Variants in TOX observed in about 807,000 individuals in gnomAD.
TOX encodes the protein thymocyte selection associated high mobility group box.
A neutral mutation model predicts 53.7 loss-of-function variants in TOX; 11 were observed. That is an observed-to-expected ratio of 0.20 (90% confidence interval 0.13 to 0.34). The LOEUF (loss-of-function observed/expected upper bound fraction) is 0.34, where lower values mean the gene tolerates loss of function less well. Among genes scored for constraint, TOX ranks in the 10% least tolerant of loss-of-function variants. The pLI is 1.00. For synonymous variants in TOX, 225 were observed against 245.3 expected, an observed-to-expected ratio of 0.92 and a Z score of 0.77; for missense variants, 570 against 664.6, an observed-to-expected ratio of 0.86 and a Z score of 1.56.
At chr8:59,119,147 G>GA (rs1805166800), upstream of TOX, 2 of 398,504 alleles carry the variant, frequency 5.0e-6, no homozygotes, top group South Asian at 4.8e-5. Context: ...AAGAAGAAGA[G>GA]GAAAAAAAAA....
chr8:58,922,435 C>T (rs1216094901), intron 3 of TOX, among the ~76,000 whole-genome samples: 2 of 152,212 alleles, frequency 1.3e-5, no homozygotes, highest in African/African-American at 4.8e-5. Context: ...TATGGAATCC[C>T]TGCTATATTA....
At chr8:58,982,033 C>T (rs1025863714) in intron 1 of TOX, among the ~76,000 whole-genome samples, 3 of 151,994 alleles carry the variant, frequency 2.0e-5, no homozygotes, top group Non-Finnish European at 4.4e-5. Flanking sequence ...ACTGAAGTTA[C>T]TAATTTCTCT....
intron 3 of TOX, among the ~76,000 whole-genome samples, chr8:58,929,720 C>G (rs1271001909): frequency 6.6e-6 from 1 of 151,854 alleles, no homozygotes; most frequent in African/African-American, 2.4e-5. Flanking sequence ...AAGCAAAAAG[C>G]AAGTCAAAGA....
At chr8:59,029,720 G>A (rs879343622) in intron 1 of TOX, among the ~76,000 whole-genome samples, 16 of 152,146 alleles carry the variant, frequency 1.1e-4, no homozygotes, top group African/African-American at 3.9e-4. Context: ...TGGCTACAAG[G>A]ACCTCGATGG....
intron 6 of TOX, among the ~76,000 whole-genome samples, chr8:58,824,996 A>G (rs979752411): frequency 7.9e-5 from 12 of 152,182 alleles, no homozygotes; most frequent in African/African-American, 2.9e-4. Context: ...AATTTATAAC[A>G]TAGTAAAAAA....
intron 1 of TOX, among the ~76,000 whole-genome samples, chr8:59,049,535 T>C (rs1803752604): frequency 6.6e-6 from 1 of 152,210 alleles, no homozygotes; most frequent in African/African-American, 2.4e-5. Context: ...AACTGGATTT[T>C]TTTTCGAACA....
At chr8:59,050,216 T>A (rs1052756466) in intron 1 of TOX, among the ~76,000 whole-genome samples, 3 of 152,248 alleles carry the variant, frequency 2.0e-5, no homozygotes, top group African/African-American at 7.2e-5. Flanking sequence ...CCAGTCAGAA[T>A]TAACACCAGT....
intron 1 of TOX, among the ~76,000 whole-genome samples, chr8:59,023,558 C>A (rs1207770083): frequency 1.3e-5 from 2 of 152,096 alleles, no homozygotes; most frequent in Non-Finnish European, 2.9e-5. Flanking sequence ...AAATAAAGGA[C>A]CCTATTATTT....
At chr8:59,069,790 T>C (rs1036011719) in intron 1 of TOX, among the ~76,000 whole-genome samples, 1 of 152,158 alleles carries the variant, frequency 6.6e-6, no homozygotes, top group Non-Finnish European at 1.5e-5. Flanking sequence ...CTGGGATATG[T>C]TGTACAGTGA....
chr8:59,101,889 C>T (rs908880387), intron 1 of TOX, among the ~76,000 whole-genome samples: 3 of 152,184 alleles, frequency 2.0e-5, no homozygotes, highest in African/African-American at 4.8e-5. Context: ...TCTATGCATG[C>T]CACCCTGCCA....
intron 3 of TOX, among the ~76,000 whole-genome samples, chr8:58,860,135 G>C (rs1303695198): frequency 6.6e-6 from 1 of 152,090 alleles, no homozygotes; most frequent in African/African-American, 2.4e-5. Flanking sequence ...TAAAGGAGAG[G>C]GGGGCCGTGT....
chr8:59,008,634 C>T (rs1030697890), intron 1 of TOX, among the ~76,000 whole-genome samples: 8 of 152,198 alleles, frequency 5.3e-5, no homozygotes, highest in Non-Finnish European at 7.3e-5. Flanking sequence ...TCACATGAGA[C>T]GTAATGACCA....
At chr8:59,092,795 T>A (rs1480926334) in intron 1 of TOX, among the ~76,000 whole-genome samples, 1 of 152,188 alleles carries the variant, frequency 6.6e-6, no homozygotes, top group Admixed American at 6.5e-5. Flanking sequence ...CATCTTAGCA[T>A]CTTCCATGAT....
At chr8:58,824,271 G>A (rs977486862) in intron 6 of TOX, among the ~76,000 whole-genome samples, 1 of 152,152 alleles carries the variant, frequency 6.6e-6, no homozygotes, top group Admixed American at 6.5e-5. Flanking sequence ...GAGGATTAAG[G>A]GAACTTATGC....
chr8:58,965,718 T>C (rs1812882743), intron 1 of TOX, among the ~76,000 whole-genome samples: 1 of 152,098 alleles, frequency 6.6e-6, no homozygotes, highest in Non-Finnish European at 1.5e-5. Flanking sequence ...TGAAAGAATA[T>C]TTGATACTTT....
chr8:58,930,674 A>G (rs759224147), intron 3 of TOX, among the ~76,000 whole-genome samples: 40 of 152,130 alleles, frequency 2.6e-4, no homozygotes, highest in African/African-American at 8.2e-4. Context: ...AGAAGCCCCA[A>G]CCATACCCCT....
Position 59,031,444 on chromosome 8 carries a change from C to T in TOX, c.103-71436G>A, listed in dbSNP as rs191000582. On this transcript the variant is annotated intron_variant, in intron 1 of 8. Coordinates refer to ENST00000361421, the MANE Select transcript of TOX (RefSeq NM_014729.3). ...TTTGGCCAATACTTAACTGAGCACA[C>T]GCTATGTTCCAGGCGCTGTTCTAAT... 1.1e-4 allele frequency among the ~76,000 whole-genome samples: 17 copies of T among 152,252 alleles called. No homozygotes were observed. The East Asian group carries it at 1.2e-3, about 10-fold the overall frequency.
chr8:59,077,346 G>C (rs1265043140), intron 1 of TOX, among the ~76,000 whole-genome samples: 1 of 152,162 alleles, frequency 6.6e-6, no homozygotes, highest in East Asian at 1.9e-4. Context: ...CTCTAAGTAT[G>C]CAGGAAAATC....
intron 1 of TOX, among the ~76,000 whole-genome samples, chr8:59,071,722 G>A (rs748060607): frequency 5.3e-5 from 8 of 152,156 alleles, no homozygotes; most frequent in Non-Finnish European, 8.8e-5. Context: ...GATTTTGACT[G>A]AATGTGACTA....
Sources: allele counts gnomAD v4.1 joint callset (sites outside exome capture counted in the v4.1 genomes callset), GRCh38; gene constraint gnomAD v4.1.1; transcripts MANE v1.5; gene names NCBI Gene and HGNC (gene_info 2026-07-23, HGNC 2026-07-21).